Variants in ESRRG observed in about 807,000 individuals in gnomAD.
ESRRG encodes estrogen-related receptor gamma.
Under a neutral mutation model 44.0 loss-of-function variants are expected in ESRRG, and 13 were observed. That is an observed-to-expected ratio of 0.30 (90% confidence interval 0.19 to 0.47). The LOEUF (loss-of-function observed/expected upper bound fraction) is 0.47, where lower values mean the gene tolerates loss of function less well. ESRRG is among the 20% of genes least tolerant of loss of function. The pLI is 1.00. For missense variants in ESRRG, 395 were observed against 580.6 expected (o/e 0.68, Z 3.29); for synonymous variants, 215 against 214.6 (o/e 1.00, Z -0.02).
chr1:216,520,739 A>G (rs7525087), intron 5 of ESRRG, among the ~76,000 whole-genome samples: 3,647 of 152,302 alleles, frequency 0.024, 101 homozygotes, highest in African/African-American at 0.068. Context: ...GTAATTCTAC[A>G]GAAAGGAAGG....
chr1:216,793,867 A>G (rs950450642), intron 2 of ESRRG, among the ~76,000 whole-genome samples: 1 of 151,826 alleles, frequency 6.6e-6, no homozygotes, highest in Non-Finnish European at 1.5e-5. Flanking sequence ...TCCAATAACC[A>G]TTTTCTGAAT....
intron 2 of ESRRG, among the ~76,000 whole-genome samples, chr1:216,764,334 A>G (rs1391235702): frequency 3.3e-5 from 5 of 151,394 alleles, no homozygotes; most frequent in Admixed American, 3.3e-4. Context: ...TAGTGGCACA[A>G]TCTCAGCTCA....
intron 3 of ESRRG, among the ~76,000 whole-genome samples, chr1:216,648,798 T>A (rs2068226147): frequency 6.6e-6 from 1 of 152,142 alleles, no homozygotes; most frequent in Non-Finnish European, 1.5e-5. Flanking sequence ...TTTAGAACTT[T>A]TTAAAAAATG....
chr1:216,819,737 C>A (rs2095245735), intron 2 of ESRRG, among the ~76,000 whole-genome samples: 1 of 152,028 alleles, frequency 6.6e-6, no homozygotes, highest in Non-Finnish European at 1.5e-5. Context: ...GACAATTCTA[C>A]CAGTTGTGGA....
At chr1:216,702,288 G>T (rs999927256) in intron 1 of ESRRG, among the ~76,000 whole-genome samples, 7 of 152,126 alleles carry the variant, frequency 4.6e-5, no homozygotes, top group Non-Finnish European at 7.4e-5. Flanking sequence ...TCTTATGAGA[G>T]AGGGTGAAGA....
At chr1:216,817,058 AT>A in intron 2 of ESRRG, among the ~76,000 whole-genome samples, 2 of 147,248 alleles carry the variant, frequency 1.4e-5, no homozygotes, top group African/African-American at 2.6e-5. Flanking sequence ...AAAGAAAATG[AT>A]AAAAAAAAAA....
At chr1:216,555,817 C>T (rs1448208505) in intron 5 of ESRRG, among the ~76,000 whole-genome samples, 4 of 151,994 alleles carry the variant, frequency 2.6e-5, no homozygotes, top group Admixed American at 2.0e-4. Flanking sequence ...GAGCTTAGGG[C>T]AACTATTAAT....
chr1:217,107,270 C>G (rs1402026964), intron 1 of ESRRG, among the ~76,000 whole-genome samples: 1 of 152,228 alleles, frequency 6.6e-6, no homozygotes, highest in African/African-American at 2.4e-5. Flanking sequence ...GATTCCCTTT[C>G]TAATGTTCAC....
chr1:217,131,973 C>T (rs2092972667), intron 1 of ESRRG, among the ~76,000 whole-genome samples: 1 of 152,100 alleles, frequency 6.6e-6, no homozygotes, highest in Non-Finnish European at 1.5e-5. Context: ...ACACTGACCT[C>T]TTAGAAAAAG....
rs768660193 is a variant in ESRRG at position 216,568,037 on chromosome 1, C to T, written c.651G>A (p.Glu217=). Residue 217 remains glutamate (E), a synonymous_variant, in exon 4 of 7, where the codon GAG becomes GAA. Transcript: ENST00000408911. ...GCTGAGGGTTCAGGTATGGGCTGTT[C>T]TCCGCATCTATCCTGCGCTTGTACT... is the stretch of plus-strand genomic sequence containing the variant. The part of the protein sequence containing the change: ...RQKYKRRIDA[E]NSPYLNPQLV... 25 of 1,613,800 alleles carry T rather than the reference C, an allele frequency of 1.5e-5. No individual in the cohort carries two copies. The highest frequency in any genetic ancestry group is 7.7e-5 in the South Asian group (7 of 91,078).
At chr1:216,701,409 A>G (rs1359352767) in intron 1 of ESRRG, 3 of 152,204 alleles carry the variant, frequency 2.0e-5, no homozygotes, top group African/African-American at 7.2e-5. Context: ...AAAGGACCTG[A>G]TAGATTTCTC....
chr1:217,030,987 T>C (rs2081982328), intron 1 of ESRRG, among the ~76,000 whole-genome samples: 1 of 152,184 alleles, frequency 6.6e-6, no homozygotes, highest in South Asian at 2.1e-4. Flanking sequence ...TGCTGGAAAA[T>C]TTAAAATTAA....
intron 1 of ESRRG, among the ~76,000 whole-genome samples, chr1:217,066,800 A>G (rs1365430924): frequency 6.6e-6 from 1 of 152,160 alleles, no homozygotes; most frequent in Non-Finnish European, 1.5e-5. Context: ...TAATAATCCC[A>G]AATCTCTCCA....
At chr1:216,922,095 A>G (rs1337166257) in intron 2 of ESRRG, among the ~76,000 whole-genome samples, 2 of 152,150 alleles carry the variant, frequency 1.3e-5, no homozygotes, top group East Asian at 3.9e-4. Context: ...GGTTCTCTCT[A>G]TGTCTCACCA....
intron 1 of ESRRG, among the ~76,000 whole-genome samples, chr1:216,952,139 A>G (rs938773447): frequency 1.3e-5 from 2 of 152,150 alleles, no homozygotes; most frequent in African/African-American, 4.8e-5. Flanking sequence ...CTGGTCTTTG[A>G]GTGGCAAATT....
intron 2 of ESRRG, among the ~76,000 whole-genome samples, chr1:216,749,071 A>G (rs887969032): frequency 6.6e-6 from 1 of 152,006 alleles, no homozygotes; most frequent in Non-Finnish European, 1.5e-5. Flanking sequence ...CTAGCACTAT[A>G]AGGAGCAGGG....
chr1:216,888,670 C>T (rs1293110931), intron 2 of ESRRG, among the ~76,000 whole-genome samples: 1 of 152,092 alleles, frequency 6.6e-6, no homozygotes, highest in Non-Finnish European at 1.5e-5. Flanking sequence ...TTATCTAGTT[C>T]CTAGCACCCA....
At position 216,569,113 on chromosome 1, in the gene ESRRG, A is replaced by G. The variant is rs200198830; in HGVS notation, c.590-1015T>C. 7.9e-4 allele frequency among the ~76,000 whole-genome samples: 85 copies of G among 107,046 alleles called. 1 individual carries two copies. The highest frequency in any genetic ancestry group is 1.4e-3 in the South Asian group (4 of 2,916). 70.2% of individuals were successfully genotyped at this position (107,046 alleles called of 152,430 possible). On this transcript the variant is annotated intron_variant, in intron 3 of 6. Coordinates refer to ENST00000408911, the MANE Select transcript of ESRRG (RefSeq NM_001438.4). ...GGAAGGAAGGAAGGAAGGAAGGAAG[A>G]AGGAAGGAAGGAAGGAAGGAAAGAA...
At chr1:217,053,190 C>T (rs892458291) in intron 1 of ESRRG, among the ~76,000 whole-genome samples, 30 of 147,368 alleles carry the variant, frequency 2.0e-4, no homozygotes, top group Admixed American at 8.8e-4. Context: ...CAGGGTGGCT[C>T]ATGCCTGTAA....
Sources: allele counts gnomAD v4.1 joint callset (sites outside exome capture counted in the v4.1 genomes callset), GRCh38; gene constraint gnomAD v4.1.1; transcripts MANE v1.5; gene names NCBI Gene and HGNC (gene_info 2026-07-23, HGNC 2026-07-21).